The following ARHGAP26 variants were observed in gnomAD, a reference collection of about 807,000 sequenced individuals.
The protein encoded by ARHGAP26 is Rho GTPase activating protein 26.
ARHGAP26 carries 38 observed loss-of-function variants against 104.8 expected under a neutral mutation model. The observed-to-expected ratio is 0.36, with a 90% CI of 0.28 to 0.48. ARHGAP26 has a LOEUF of 0.48. Ranked by LOEUF, ARHGAP26 falls within the 20% of genes least tolerant of loss-of-function variation. The probability of loss-of-function intolerance (pLI) is 0.99; values close to 1 mark genes in which losing one functional copy is unlikely to be tolerated. For synonymous variants in ARHGAP26, 341 were observed against 340.0 expected, an observed-to-expected ratio of 1.00 and a Z score of -0.03; for missense variants, 704 against 947.9, an observed-to-expected ratio of 0.74 and a Z score of 3.38.
chr5:142,856,999 G>T (rs1204045924), intron 1 of ARHGAP26, among the ~76,000 whole-genome samples: 1 of 152,192 alleles, frequency 6.6e-6, no homozygotes, highest in African/African-American at 2.4e-5. Context: ...TCTTTTGGAA[G>T]GCTCTAGGGA....
intron 11 of ARHGAP26, among the ~76,000 whole-genome samples, chr5:143,012,501 C>T (rs1471891893): frequency 8.7e-6 from 1 of 114,634 alleles, no homozygotes; most frequent in Non-Finnish European, 1.9e-5. Context: ...TGGTTCTCAA[C>T]TGAGAGTAGC....
At chr5:143,137,099 A>G (rs764721474) in intron 19 of ARHGAP26, among the ~76,000 whole-genome samples, 2 of 152,180 alleles carry the variant, frequency 1.3e-5, no homozygotes, top group African/African-American at 2.4e-5. Flanking sequence ...ATCCTGATAC[A>G]TAAGACCTCT....
At chr5:142,979,931 G>T (rs1773677398) in intron 11 of ARHGAP26, among the ~76,000 whole-genome samples, 1 of 152,200 alleles carries the variant, frequency 6.6e-6, no homozygotes, top group African/African-American at 2.4e-5. Context: ...ATGTCACCTG[G>T]AGTGGATAAT....
At chr5:142,896,860 T>C (rs1054622099) in intron 6 of ARHGAP26, among the ~76,000 whole-genome samples, 4 of 152,292 alleles carry the variant, frequency 2.6e-5, no homozygotes, top group African/African-American at 9.6e-5. Context: ...TTTATAAAGT[T>C]GTATGAGGAT....
At chr5:143,217,589 C>T (rs1242339262) in intron 22 of ARHGAP26, among the ~76,000 whole-genome samples, 1 of 152,214 alleles carries the variant, frequency 6.6e-6, no homozygotes, top group African/African-American at 2.4e-5. Context: ...CCTAACACAG[C>T]ACCACTACAC....
At chr5:143,207,818 A>T (rs1487188084) in intron 21 of ARHGAP26, among the ~76,000 whole-genome samples, 1 of 152,254 alleles carries the variant, frequency 6.6e-6, no homozygotes, top group Non-Finnish European at 1.5e-5. Context: ...CATGTTTATC[A>T]GGCAGCGTCA....
chr5:142,897,164 C>T (rs1759587956), intron 6 of ARHGAP26, among the ~76,000 whole-genome samples: 1 of 152,098 alleles, frequency 6.6e-6, no homozygotes, highest in Non-Finnish European at 1.5e-5. Context: ...TCAGTGACAG[C>T]TTGGACAGGA....
At chr5:143,176,983 T>A (rs1803554046) in intron 20 of ARHGAP26, among the ~76,000 whole-genome samples, 1 of 152,214 alleles carries the variant, frequency 6.6e-6, no homozygotes, top group South Asian at 2.1e-4. Context: ...TAGGCTACAA[T>A]ATCAATGTGC....
intron 1 of ARHGAP26, among the ~76,000 whole-genome samples, chr5:142,796,813 C>T (rs1047389520): frequency 4.6e-5 from 7 of 152,198 alleles, no homozygotes; most frequent in Non-Finnish European, 8.8e-5. Flanking sequence ...TATTTCTGTT[C>T]CTTCTGCCTG....
chr5:143,084,074 A>G (rs1790201383), intron 17 of ARHGAP26, among the ~76,000 whole-genome samples: 1 of 152,138 alleles, frequency 6.6e-6, no homozygotes, highest in African/African-American at 2.4e-5. Flanking sequence ...GCTCATCCGG[A>G]TGCATTCAAA....
At chr5:143,082,343 A>T (rs1789953938) in intron 17 of ARHGAP26, among the ~76,000 whole-genome samples, 1 of 152,228 alleles carries the variant, frequency 6.6e-6, no homozygotes, top group Non-Finnish European at 1.5e-5. Flanking sequence ...TACTGTTCCC[A>T]TCCAGAAAGA....
intron 1 of ARHGAP26, among the ~76,000 whole-genome samples, chr5:142,853,336 A>G (rs1019435530): frequency 6.6e-6 from 1 of 152,088 alleles, no homozygotes; most frequent in Non-Finnish European, 1.5e-5. Flanking sequence ...GACTGCAGGC[A>G]TGTGTCACCA....
chr5:143,130,819 A>ATGAAAGTTTG (rs1488729690), intron 18 of ARHGAP26, among the ~76,000 whole-genome samples: 1 of 152,218 alleles, frequency 6.6e-6, no homozygotes, highest in Admixed American at 6.5e-5. Flanking sequence ...AGAGTCATTA[A>ATGAAAGTTTG]TGAAAGTTTG....
intron 1 of ARHGAP26, among the ~76,000 whole-genome samples, chr5:142,773,265 C>T (rs1277569640): frequency 6.6e-6 from 1 of 152,188 alleles, no homozygotes; most frequent in Non-Finnish European, 1.5e-5. Flanking sequence ...AACATAAATA[C>T]ATAATTATAT....
chr5:142,803,731 G>A (rs1243501911), intron 1 of ARHGAP26, among the ~76,000 whole-genome samples: 2 of 152,182 alleles, frequency 1.3e-5, no homozygotes, highest in Non-Finnish European at 2.9e-5. Context: ...GTGGCATCTG[G>A]GGATGTGTTC....
chr5:142,784,069 TG>T (rs1436269628), intron 1 of ARHGAP26, among the ~76,000 whole-genome samples: 2 of 152,184 alleles, frequency 1.3e-5, no homozygotes, highest in African/African-American at 2.4e-5. Flanking sequence ...GGCCAGGACT[TG>T]CCACAATCTG....
At chr5:143,072,925 T>C (rs968998715) in intron 17 of ARHGAP26, among the ~76,000 whole-genome samples, 7 of 152,158 alleles carry the variant, frequency 4.6e-5, no homozygotes, top group Non-Finnish European at 8.8e-5. Context: ...CAATGAATGT[T>C]TGAGGTGATG....
At chr5:142,992,970 A>C (rs567119269) in intron 11 of ARHGAP26, among the ~76,000 whole-genome samples, 2 of 152,076 alleles carry the variant, frequency 1.3e-5, no homozygotes, top group African/African-American at 4.8e-5. Flanking sequence ...CCTGAGTCCT[A>C]AGTTCTTTAT....
intron 1 of ARHGAP26, among the ~76,000 whole-genome samples, chr5:142,779,976 G>A (rs1757171116): frequency 6.6e-6 from 1 of 152,208 alleles, no homozygotes; most frequent in Non-Finnish European, 1.5e-5. Flanking sequence ...ATTCAAAAGA[G>A]ACAAAAGAGA....
Sources: allele counts gnomAD v4.1 joint callset (sites outside exome capture counted in the v4.1 genomes callset), GRCh38; gene constraint gnomAD v4.1.1; transcripts MANE v1.5; gene names NCBI Gene and HGNC (gene_info 2026-07-23, HGNC 2026-07-21).